Variants in ZMYND12 observed in about 807,000 individuals in gnomAD.
The protein encoded by ZMYND12 is zinc finger MYND domain-containing protein 12.
A neutral mutation model predicts 41.7 loss-of-function variants in ZMYND12; 32 were observed. That is an observed-to-expected ratio of 0.77 (90% CI 0.58 to 1.03). ZMYND12 has a LOEUF of 1.03. Among genes scored for constraint, ZMYND12 ranks in the 50% least tolerant of loss-of-function variants. ZMYND12 has a pLI of 0.00. For missense variants in ZMYND12, 424 were observed against 438.5 expected, an observed-to-expected ratio of 0.97 and a Z score of 0.30; for synonymous variants, 148 against 164.8, an observed-to-expected ratio of 0.90 and a Z score of 0.78.
intron 3 of ZMYND12, among the ~76,000 whole-genome samples, chr1:42,447,376 A>C (rs1557770264): frequency 6.6e-6 from 1 of 152,224 alleles, no homozygotes; most frequent in Non-Finnish European, 1.5e-5. Context: ...AACCTGTAAA[A>C]GTGTCAAGAT....
intron 1 of ZMYND12, among the ~76,000 whole-genome samples, chr1:42,450,882 A>C (rs529668245): frequency 6.6e-6 from 1 of 152,222 alleles, no homozygotes; most frequent in Admixed American, 6.5e-5. Flanking sequence ...CATATTTGTA[A>C]ATTTACCAAA....
At chr1:42,440,849 G>C (rs1167929509) in intron 3 of ZMYND12, among the ~76,000 whole-genome samples, 1 of 151,974 alleles carries the variant, frequency 6.6e-6, no homozygotes, top group Admixed American at 6.5e-5. Context: ...TGTATTTTTA[G>C]TAGAGACAGG....
rs756190676 is a variant in ZMYND12 at position 42,433,247 on chromosome 1, T to C, written c.871A>G (p.Ile291Val). 1 of 1,611,354 alleles carries C rather than the reference T, an allele frequency of 6.2e-7. No homozygotes were observed. The highest frequency in any genetic ancestry group is 1.7e-5 in the Admixed American group (1 of 59,296). The change falls in exon 7 of 8, where the codon ATC (isoleucine) becomes GTC (valine). Residue 291 changes from isoleucine (I) to valine (V), a missense_variant. Ile to Val is a conservative substitution (Grantham distance 29). Transcript: ENST00000372565. Reference protein sequence around the residue: ...EAEAIRILTSILNIRESTSDK... With the variant: ...EAEAIRILTSVLNIRESTSDK... The stretch of plus-strand genomic sequence containing the variant: ...GATGTAGATTCTCGAATGTTCAAGA[T>C]TGAAGTCAGGATGCGAATGGCTTCT...
intron 7 of ZMYND12, among the ~76,000 whole-genome samples, chr1:42,432,224 C>T (rs7524380): frequency 0.64 from 96,869 of 151,278 alleles, 31,202 homozygotes; most frequent in South Asian, 0.72. Flanking sequence ...CCCGGCTGAT[C>T]TTTTTATTTT....
At chr1:42,440,126 A>G (rs1642953622) in intron 3 of ZMYND12, 101 bp from the exon 4 acceptor site, 2 of 1,274,908 alleles carry the variant, frequency 1.6e-6, no homozygotes, top group Admixed American at 6.0e-5. Flanking sequence ...TCATTGACTC[A>G]AGTATTTATT....
intron 1 of ZMYND12, among the ~76,000 whole-genome samples, chr1:42,450,743 CCT>C (rs1334827322): frequency 8.5e-5 from 13 of 152,066 alleles, no homozygotes; most frequent in African/African-American, 3.1e-4. Context: ...CATACAGTAA[CCT>C]CTGAGTACTG....
At chr1:42,446,157 T>C (rs1643021742) in intron 3 of ZMYND12, among the ~76,000 whole-genome samples, 1 of 152,074 alleles carries the variant, frequency 6.6e-6, no homozygotes, top group Admixed American at 6.6e-5. Context: ...AAGAGGTATC[T>C]ATAAGGTGGA....
chr1:42,435,935 G>A (rs929450771), intron 5 of ZMYND12, among the ~76,000 whole-genome samples: 2 of 152,194 alleles, frequency 1.3e-5, no homozygotes, highest in Non-Finnish European at 2.9e-5. Flanking sequence ...TGCCTGCTAA[G>A]TGAGGTGTTA....
At chr1:42,438,219 C>T (rs1005015111) in intron 4 of ZMYND12, among the ~76,000 whole-genome samples, 3 of 152,122 alleles carry the variant, frequency 2.0e-5, no homozygotes, top group Non-Finnish European at 4.4e-5. Context: ...TAGTCAGGAG[C>T]CCAGGTGGAA....
intron 7 of ZMYND12, among the ~76,000 whole-genome samples, chr1:42,432,357 T>A (rs1345769343): frequency 6.6e-6 from 1 of 152,204 alleles, no homozygotes; most frequent in African/African-American, 2.4e-5. Context: ...ACACTGTGCC[T>A]GGCTAGTTTT....
chr1:42,455,387 T>G (rs980422056), intron 1 of ZMYND12, among the ~76,000 whole-genome samples: 1 of 152,230 alleles, frequency 6.6e-6, no homozygotes, highest in Admixed American at 6.5e-5. Context: ...ATTCTTCTGC[T>G]TCAGCCTCCC....
intron 1 of ZMYND12, among the ~76,000 whole-genome samples, chr1:42,454,421 A>T (rs1259924322): frequency 4.6e-5 from 7 of 152,186 alleles, no homozygotes; most frequent in African/African-American, 7.2e-5. Context: ...TAGGGGACAT[A>T]CTCAGTGCTT....
chr1:42,450,235 T>C (rs1643069231), intron 1 of ZMYND12, among the ~76,000 whole-genome samples, 176 bp from the exon 2 acceptor site: 1 of 152,336 alleles, frequency 6.6e-6, no homozygotes, highest in East Asian at 1.9e-4. Context: ...GGTTATTTGA[T>C]GATGTATAAA....
chr1:42,448,354 CT>C (rs1458090210), intron 3 of ZMYND12, 112 bp downstream of exon 3: 1 of 1,264,818 alleles, frequency 7.9e-7, no homozygotes, highest in Non-Finnish European at 1.0e-6. Context: ...AACCCTGCTC[CT>C]TCTACAATAG....
intron 5 of ZMYND12, among the ~76,000 whole-genome samples, chr1:42,436,192 C>A (rs556144843): frequency 6.6e-6 from 1 of 152,114 alleles, no homozygotes; most frequent in Non-Finnish European, 1.5e-5. Context: ...CTTCATTATT[C>A]GTTAATCACC....
At chr1:42,434,663 G>A (rs1454526608) in intron 6 of ZMYND12, among the ~76,000 whole-genome samples, 3 of 151,650 alleles carry the variant, frequency 2.0e-5, no homozygotes, top group African/African-American at 4.9e-5. Flanking sequence ...GATCTAGGAT[G>A]TACACTCCTT....
At chr1:42,451,301 T>G (rs1003256524) in intron 1 of ZMYND12, among the ~76,000 whole-genome samples, 1 of 152,344 alleles carries the variant, frequency 6.6e-6, no homozygotes, top group South Asian at 2.1e-4. Context: ...TGTCTATTTT[T>G]CTCCCCAGTT....
chr1:42,441,997 G>A (rs1642976350), intron 3 of ZMYND12, among the ~76,000 whole-genome samples: 1 of 152,076 alleles, frequency 6.6e-6, no homozygotes, highest in Non-Finnish European at 1.5e-5. Context: ...GCTTGAATGG[G>A]CAGATGCAGA....
At chr1:42,451,487 T>C (rs1643082658) in intron 1 of ZMYND12, among the ~76,000 whole-genome samples, 2 of 152,222 alleles carry the variant, frequency 1.3e-5, no homozygotes, top group South Asian at 4.1e-4. Context: ...CAGAAAAGCT[T>C]TTCTGTAAAG....
Sources: allele counts gnomAD v4.1 joint callset (sites outside exome capture counted in the v4.1 genomes callset), GRCh38; gene constraint gnomAD v4.1.1; transcripts MANE v1.5; gene names NCBI Gene and HGNC (gene_info 2026-07-23, HGNC 2026-07-21).